The following EPB41L4B variants were observed in gnomAD, a reference collection of about 807,000 sequenced individuals.
The protein encoded by EPB41L4B is band 4.1-like protein 4B.
A neutral mutation model predicts 112.5 loss-of-function variants in EPB41L4B; 30 were observed. The observed-to-expected ratio is 0.27, with a 90% CI of 0.20 to 0.36. The LOEUF (loss-of-function observed/expected upper bound fraction) is 0.36, where lower values mean the gene tolerates loss of function less well. Ranked by LOEUF, EPB41L4B falls within the 10% of genes least tolerant of loss-of-function variation. The probability of loss-of-function intolerance (pLI) is 1.00; values close to 1 mark genes in which losing one functional copy is unlikely to be tolerated. For missense variants in EPB41L4B, 1,024 were observed against 1,133.3 expected (o/e 0.90, Z 1.38); for synonymous variants, 408 against 439.7 (o/e 0.93, Z 0.90).
chr9:109,176,737 G>C (rs747164596), intron 24 of EPB41L4B, 41 bp from the exon 25 acceptor site: 2 of 1,610,056 alleles, frequency 1.2e-6, no homozygotes, highest in African/African-American at 1.3e-5. Context: ...TCTCAATTTG[G>C]GTTCCATTTT....
At chr9:109,229,041 T>C (rs1240081755) in intron 15 of EPB41L4B, among the ~76,000 whole-genome samples, 1 of 152,182 alleles carries the variant, frequency 6.6e-6, no homozygotes, top group Non-Finnish European at 1.5e-5. Context: ...ATATACCCTA[T>C]AAATACATAC....
intron 1 of EPB41L4B, among the ~76,000 whole-genome samples, chr9:109,295,880 AC>A (rs1400215462): frequency 6.6e-6 from 1 of 152,088 alleles, no homozygotes; most frequent in East Asian, 1.9e-4. Context: ...AAAACCCACA[AC>A]CACCTACTAC....
In EPB41L4B at chr9:109,320,231, G is replaced by C. The variant is rs1296598730; in HGVS notation, c.216C>G (p.Ala72=). The change falls in exon 1 of 26, where the codon GCC becomes GCG. Residue 72 remains alanine, a synonymous_variant. Coordinates refer to ENST00000374566, the MANE Select transcript of EPB41L4B (RefSeq NM_019114.5). ...GGGPLLTGGA[A]VHISAAGAAK... is the part of the protein sequence containing the mutation. The stretch of plus-strand genomic sequence containing the variant: ...CGGCGCCGGCGGCGGAGATGTGCAC[G>C]GCCGCGCCGCCGGTGAGCAGGGGCC... 10 of 1,301,544 alleles carry C rather than the reference G, an allele frequency of 7.7e-6. No individual in the cohort carries two copies. Among genetic ancestry groups the C allele is most frequent in the East Asian group, 3.1e-5 (1 of 31,964 alleles). The allele number at this position is 1,301,544 out of a possible 1,614,324, so 80.6% of individuals were successfully genotyped here. A position where few individuals can be genotyped will look rare whatever the true frequency, so the allele number is the denominator to read the frequency against.
chr9:109,264,172 G>C (rs1835318336), intron 5 of EPB41L4B, among the ~76,000 whole-genome samples: 1 of 152,046 alleles, frequency 6.6e-6, no homozygotes, highest in Non-Finnish European at 1.5e-5. Flanking sequence ...TTGTTCTATT[G>C]GTCTATGGAG....
At chr9:109,256,099 G>GCTCTTTTT in intron 9 of EPB41L4B, 37 bp downstream of exon 9, 4 of 1,564,290 alleles carry the variant, frequency 2.6e-6, no homozygotes, top group Middle Eastern at 1.7e-4. Context: ...CACAAAATAG[G>GCTCTTTTT]AAAAGACATT....
intron 16 of EPB41L4B, among the ~76,000 whole-genome samples, chr9:109,216,362 C>T (rs935678464): frequency 2.6e-5 from 4 of 151,696 alleles, no homozygotes; most frequent in Non-Finnish European, 5.9e-5. Context: ...ACTTCTTGAC[C>T]GGGCATGGTG....
At chr9:109,304,871 T>G (rs1179823396) in intron 1 of EPB41L4B, among the ~76,000 whole-genome samples, 1 of 152,068 alleles carries the variant, frequency 6.6e-6, no homozygotes, top group Non-Finnish European at 1.5e-5. Flanking sequence ...TTAGCGGCTG[T>G]CGGGGTTAGG....
rs528118835 is a variant in EPB41L4B at position 109,280,545 on chromosome 9, G to A, written c.307-624C>T. 8.5e-5 allele frequency among the ~76,000 whole-genome samples: 13 copies of A among 152,210 alleles called. 1 individual carries two copies. The highest frequency in any genetic ancestry group is 1.0e-4 in the Non-Finnish European group (7 of 68,010). On this transcript the variant is annotated intron_variant, in intron 1 of 25. Transcript: ENST00000374566. ...AGTCCTGCATCTGCCACTTGACTTC[G>A]TACAAGTCACTCCTCCTAACGTTTC...
intron 20 of EPB41L4B, among the ~76,000 whole-genome samples, chr9:109,199,243 G>A (rs1026888466): frequency 4.6e-5 from 7 of 152,154 alleles, no homozygotes; most frequent in African/African-American, 1.7e-4. Context: ...GCCTTTTCAT[G>A]GATATGCCGT....
intron 1 of EPB41L4B, among the ~76,000 whole-genome samples, chr9:109,290,796 G>A (rs1187902534): frequency 1.3e-5 from 2 of 150,636 alleles, no homozygotes; most frequent in Admixed American, 6.6e-5. Context: ...CCCACCAAGT[G>A]GCCCAGGAAT....
chr9:109,247,105 T>G (rs1834585619), intron 14 of EPB41L4B, among the ~76,000 whole-genome samples: 1 of 151,422 alleles, frequency 6.6e-6, no homozygotes, highest in South Asian at 2.1e-4. Context: ...GCTCAAGTGA[T>G]CCTCTCGCCT....
At chr9:109,187,871 C>T (rs1307629863) in intron 22 of EPB41L4B, among the ~76,000 whole-genome samples, 3 of 152,176 alleles carry the variant, frequency 2.0e-5, no homozygotes, top group Non-Finnish European at 4.4e-5. Flanking sequence ...CCGCACAAGC[C>T]TTTCTGACCT....
chr9:109,240,072 C>A (rs746486423), intron 15 of EPB41L4B: 125 of 985,220 alleles, frequency 1.3e-4, no homozygotes, highest in Non-Finnish European at 1.5e-4. Flanking sequence ...CAAAAGCCAA[C>A]TGTTCTGTTA....
At chr9:109,294,506 C>G (rs1836658253) in intron 1 of EPB41L4B, among the ~76,000 whole-genome samples, 1 of 151,856 alleles carries the variant, frequency 6.6e-6, no homozygotes, top group Non-Finnish European at 1.5e-5. Flanking sequence ...CTCAGCTACT[C>G]AGGAGGCTGA....
In EPB41L4B at chr9:109,313,205, A is replaced by G. The variant is rs114839369; in HGVS notation, c.306+6936T>C. Among the ~76,000 whole-genome samples the G allele has an allele frequency of 7.3e-3, 1,112 of 152,346 alleles. 13 individuals are homozygous for G. Among genetic ancestry groups the G allele is most frequent in the South Asian group, 0.043 (208 of 4,824 alleles). ...GCCCCTCAAGACTGGGAGCTTAAGA[A>G]ACACTCTTCTCTCTCCGATACCCCT... On this transcript the variant is annotated intron_variant, in intron 1 of 25. Transcript: ENST00000374566.
intron 17 of EPB41L4B, among the ~76,000 whole-genome samples, chr9:109,211,903 A>ATGGG (rs2118807702): frequency 1.1e-5 from 1 of 89,766 alleles, no homozygotes; most frequent in South Asian, 2.9e-4. Flanking sequence ...TATAGTAGAG[A>ATGGG]TGGGGGGGGT....
intron 11 of EPB41L4B, among the ~76,000 whole-genome samples, chr9:109,255,115 C>G (rs1303652257): frequency 6.6e-6 from 1 of 152,194 alleles, no homozygotes; most frequent in African/African-American, 2.4e-5. Context: ...CCAAAATGAT[C>G]CTGTGTCCTG....
chr9:109,299,921 G>A (rs1315835941), intron 1 of EPB41L4B, among the ~76,000 whole-genome samples: 1 of 152,204 alleles, frequency 6.6e-6, no homozygotes, highest in Non-Finnish European at 1.5e-5. Context: ...AGCAGAGCTT[G>A]CAGCTATGAA....
intron 2 of EPB41L4B, among the ~76,000 whole-genome samples, chr9:109,272,424 T>C (rs1047539620): frequency 7.9e-5 from 12 of 152,160 alleles, no homozygotes; most frequent in Admixed American, 4.6e-4. Context: ...ATCACACTAC[T>C]GCACTCCAGC....
Sources: gnomAD v4.1 joint callset for allele counts (sites outside exome capture counted in the v4.1 genomes callset) on GRCh38, gnomAD v4.1.1 for gene constraint, MANE v1.5 for transcripts, NCBI Gene and HGNC (gene_info 2026-07-23, HGNC 2026-07-21) for gene names.